Variants in SF3B3 observed in about 807,000 individuals in gnomAD.
The protein encoded by SF3B3 is SAP 130.
SF3B3 carries 33 observed loss-of-function variants against 139.2 expected under a neutral mutation model. The observed-to-expected ratio is 0.24, with a 90% CI of 0.18 to 0.32. SF3B3 has a LOEUF of 0.32. Among genes scored for constraint, SF3B3 ranks in the 10% least tolerant of loss-of-function variants. The pLI is 1.00. For missense variants in SF3B3, 818 were observed against 1,509.4 expected, an observed-to-expected ratio of 0.54 and a Z score of 7.59; for synonymous variants, 596 against 563.6, an observed-to-expected ratio of 1.06 and a Z score of -0.81.
chr16:70,562,176 T>C (rs897992832), intron 17 of SF3B3, among the ~76,000 whole-genome samples: 1 of 152,240 alleles, frequency 6.6e-6, no homozygotes, highest in African/African-American at 2.4e-5. Context: ...CTATAAGTTA[T>C]TTAGACCTTT....
intron 11 of SF3B3, 183 bp downstream of exon 11, chr16:70,548,625 T>C: frequency 3.5e-6 from 2 of 572,424 alleles, no homozygotes; most frequent in Non-Finnish European, 6.2e-6. Flanking sequence ...CCATTTCTTT[T>C]TGTGCAGGTG....
chr16:70,532,410 G>C, intron 4 of SF3B3, 69 bp from the exon 5 acceptor site: 2 of 1,274,392 alleles, frequency 1.6e-6, no homozygotes, highest in Non-Finnish European at 2.2e-6. Context: ...GTAAATTGGA[G>C]TCCTGATGTC....
chr16:70,552,670 A>G (rs2050338783), intron 11 of SF3B3, among the ~76,000 whole-genome samples: 1 of 152,226 alleles, frequency 6.6e-6, no homozygotes, highest in Admixed American at 6.5e-5. Flanking sequence ...TGGTCTAACC[A>G]TTAGAGCATG....
Position 70,575,430 on chromosome 16 carries a change from C to T in SF3B3, c.*3617C>T, listed in dbSNP as rs2050571116. On this transcript the variant is annotated 3_prime_UTR_variant, in exon 26 of 26. Coordinates refer to ENST00000302516, the MANE Select transcript of SF3B3 (RefSeq NM_012426.5). ...GCCAGGCTGGTTTCGAACTCGTGAC[C>T]TCAGGTGATCCACCCACCTTGGTCT... 1 of 152,346 alleles carries T rather than the reference C, an allele frequency of 6.6e-6. No homozygotes were observed. The highest frequency in any genetic ancestry group is 1.9e-4 in the East Asian group (1 of 5,178). 9.4% of individuals were successfully genotyped at this position (152,346 alleles called of 1,614,324 possible).
Position 70,556,898 on chromosome 16 carries a change from C to T in SF3B3, c.1879C>T (p.Pro627Ser), listed in dbSNP as rs538425423. Residue 627 changes from proline (P) to serine (S), a missense_variant, in exon 15 of 26, where the codon CCT becomes TCT. Pro to Ser is a moderately conservative substitution (Grantham distance 74). This residue lies in a region of SF3B3 where 170 missense variants were observed against 353.0 expected (regional missense o/e 0.48). Coordinates refer to ENST00000302516, the MANE Select transcript of SF3B3 (RefSeq NM_012426.5). Reference protein sequence around the residue: ...ISLDPSDCLQPLSMQALPAQP... With the variant: ...ISLDPSDCLQSLSMQALPAQP... ...CTCTCCCTCTCAGGACTGTTTGCAA[C>T]CTCTAAGCATGCAGGCTCTCCCAGC... The T allele has an allele frequency of 1.2e-6, 2 of 1,614,054 alleles. No homozygotes were observed. The highest frequency in any genetic ancestry group is 2.2e-5 in the South Asian group (2 of 91,080).
intron 24 of SF3B3, 151 bp from the exon 25 acceptor site, chr16:70,570,944 C>G (rs2050522965): frequency 1.5e-6 from 1 of 674,404 alleles, no homozygotes; most frequent in African/African-American, 1.8e-5. Flanking sequence ...CGTGTTGTAG[C>G]AGAAAAACCT....
rs949363354 is a variant in SF3B3, at chr16:70,573,164, A to C, written c.*1351A>C. 12 of 152,246 alleles carry C rather than the reference A, an allele frequency of 7.9e-5. 1 individual carries two copies. Among genetic ancestry groups the C allele is most frequent in the East Asian group, 1.9e-4 (1 of 5,174 alleles). 9.4% of individuals were successfully genotyped at this position (152,246 alleles called of 1,614,324 possible). ...CTTGGTTTTAGATCAGTCAAGAGAG[A>C]CCCAGGTTTTGCCAGGAATCGAATC... On this transcript the variant is annotated 3_prime_UTR_variant, in exon 26 of 26. Coordinates refer to ENST00000302516, the MANE Select transcript of SF3B3 (RefSeq NM_012426.5).
In SF3B3 at chr16:70,523,819, C is replaced by T. The variant is rs757233313; in HGVS notation, c.-180C>T. 1.2e-3 allele frequency: 701 copies of T among 574,170 alleles called. 1 individual carries two copies. The highest frequency in any genetic ancestry group is 1.8e-3 in the Non-Finnish European group (573 of 325,832). The allele number at this position is 574,170 out of a possible 1,614,324, so 35.6% of individuals were successfully genotyped here. On this transcript the variant is annotated 5_prime_UTR_variant, in exon 1 of 26. Coordinates refer to ENST00000302516, the MANE Select transcript of SF3B3 (RefSeq NM_012426.5). ...TTCCGCCGCGCGCCACCAGAATGTC[C>T]CTGTCTTGAGGTCTAATGGCGGACG...
rs1470952745 is a variant in SF3B3 at position 70,572,342 on chromosome 16, G to T, written c.*529G>T. ...GTTCTGGAGATGAGGATGTAGGTGG[G>T]AGGTTTGAACCCAAGTTAGAGCAGG... is the stretch of plus-strand genomic sequence containing the variant. On this transcript the variant is annotated 3_prime_UTR_variant, in exon 26 of 26. Transcript: ENST00000302516. 3.9e-6 allele frequency: 1 copy of T among 253,334 alleles called. No individual in the cohort carries two copies. Among genetic ancestry groups the T allele is most frequent in the Non-Finnish European group, 7.9e-6 (1 of 126,786 alleles). The allele number at this position is 253,334 out of a possible 1,614,324, so 15.7% of individuals were successfully genotyped here.
At chr16:70,555,516 A>G (rs561382428) in intron 13 of SF3B3, among the ~76,000 whole-genome samples, 5 of 150,488 alleles carry the variant, frequency 3.3e-5, no homozygotes, top group African/African-American at 9.8e-5. Context: ...CTGGAGTGAC[A>G]GTGTTCACAA....
chr16:70,530,659 A>C lies in SF3B3; in HGVS notation c.398-86A>C, dbSNP rs2050112874. 3 of 1,131,852 alleles carry C rather than the reference A, an allele frequency of 2.7e-6. No homozygotes were observed. The South Asian group carries it at 4.5e-5, about 17-fold the overall frequency. The allele number at this position is 1,131,852 out of a possible 1,614,324, so 70.1% of individuals were successfully genotyped here. On this transcript the variant is annotated intron_variant, in intron 3 of 25. Transcript: ENST00000302516. ...TACTGCTGTTAATAATGATTAAAAG[A>C]AAAGCATGATGTGACTCTAGCTGTT... is the stretch of plus-strand genomic sequence containing the variant.
chr16:70,566,502 C>T (rs2151794317), intron 20 of SF3B3, among the ~76,000 whole-genome samples: 1 of 152,190 alleles, frequency 6.6e-6, no homozygotes, highest in East Asian at 1.9e-4. Flanking sequence ...GCAGAGGTTG[C>T]AGTGAGCCGA....
chr16:70,556,708 A>G (rs971455134), intron 14 of SF3B3, 178 bp from the exon 15 acceptor site: 4 of 658,218 alleles, frequency 6.1e-6, no homozygotes, highest in African/African-American at 3.6e-5. Flanking sequence ...GATCTTCCCG[A>G]AGCTTATTCT....
intron 1 of SF3B3, among the ~76,000 whole-genome samples, chr16:70,525,838 G>A (rs2050057069): frequency 6.6e-6 from 1 of 151,432 alleles, no homozygotes; most frequent in African/African-American, 2.4e-5. Flanking sequence ...GCGGGCGCCT[G>A]TTGTCCCAGC....
intron 1 of SF3B3, among the ~76,000 whole-genome samples, chr16:70,526,311 G>T (rs1048866934): frequency 8.6e-5 from 13 of 151,928 alleles, no homozygotes; most frequent in African/African-American, 3.1e-4. Flanking sequence ...AGGTTCAAGC[G>T]ATTCTCCTGC....
intron 3 of SF3B3, among the ~76,000 whole-genome samples, chr16:70,530,474 C>T (rs2050111112): frequency 1.3e-5 from 2 of 152,016 alleles, no homozygotes; most frequent in Admixed American, 6.6e-5. Context: ...CATGCACCAC[C>T]ACACCTAGCT....
chr16:70,534,165 T>C (rs879787140), intron 5 of SF3B3, among the ~76,000 whole-genome samples: 4 of 152,190 alleles, frequency 2.6e-5, no homozygotes, highest in Non-Finnish European at 5.9e-5. Flanking sequence ...ATCTGAGGGC[T>C]AGTTAGAAGT....
Position 70,526,746 on chromosome 16 carries a change from T to C in SF3B3, c.70+20T>C. ...TTTCTGGTAAGTTCTCTCGTTACCA[T>C]CTTTTGAAATTTTAAGTGAATTAAT... On this transcript the variant is annotated intron_variant, in intron 2 of 25. Coordinates refer to ENST00000302516, the MANE Select transcript of SF3B3 (RefSeq NM_012426.5). The C allele has an allele frequency of 1.3e-6, 2 of 1,567,370 alleles. No individual in the cohort carries two copies. Among genetic ancestry groups the C allele is most frequent in the Non-Finnish European group, 1.8e-6 (2 of 1,137,754 alleles).
At position 70,572,453 on chromosome 16, in the gene SF3B3, T is replaced by A. The variant is rs1280265461; in HGVS notation, c.*640T>A. On this transcript the variant is annotated 3_prime_UTR_variant, in exon 26 of 26. Coordinates refer to ENST00000302516, the MANE Select transcript of SF3B3 (RefSeq NM_012426.5). ...CCCCACCCCCAGGTCTGTGGTGGTT[T>A]CTTTGTTTTTTCCTGGTTCTTTTTG... 1 of 183,746 alleles carries A rather than the reference T, an allele frequency of 5.4e-6. No homozygotes were observed. Among genetic ancestry groups the A allele is most frequent in the Non-Finnish European group, 1.1e-5 (1 of 88,844 alleles). 11.4% of individuals were successfully genotyped at this position (183,746 alleles called of 1,614,324 possible). A position where few individuals can be genotyped will look rare whatever the true frequency, so the allele number is the denominator to read the frequency against.
Sources: allele counts gnomAD v4.1 joint callset (sites outside exome capture counted in the v4.1 genomes callset), GRCh38; gene constraint gnomAD v4.1.1; regional missense constraint gnomAD v4.1.1; transcripts MANE v1.5; gene names NCBI Gene and HGNC (gene_info 2026-07-23, HGNC 2026-07-21).